The following EMCN variants were observed in gnomAD, a reference collection of about 807,000 sequenced individuals.
EMCN encodes the protein endomucin.
EMCN carries 37 observed loss-of-function variants against 38.4 expected under a neutral mutation model. The ratio of observed to expected loss-of-function variants is 0.96; its 90% CI spans 0.74 to 1.27. The LOEUF is 1.27. EMCN is among the 50% of genes most tolerant of loss of function. EMCN has a pLI of 0.00. For synonymous variants in EMCN, 95 were observed against 100.8 expected (o/e 0.94, Z 0.35); for missense variants, 318 against 302.8 (o/e 1.05, Z -0.37).
intron 11 of EMCN, among the ~76,000 whole-genome samples, chr4:100,409,834 G>A (rs1052241072): frequency 6.6e-6 from 1 of 152,146 alleles, no homozygotes; most frequent in African/African-American, 2.4e-5. Context: ...CCAGCCTACG[G>A]CTGTGATACA....
rs2110263585 is a variant in EMCN, at chr4:100,465,502, G to C, written c.297C>G (p.Asp99Glu). The C allele has an allele frequency of 6.2e-7, 1 of 1,607,884 alleles. No individual in the cohort carries two copies. The highest frequency in any genetic ancestry group is 2.2e-5 in the East Asian group (1 of 44,700). ...TTACTGTTACGTTTGAAATGATGGA[G>C]TCATTCTTCCTGACATCAGTGGTTG... is the stretch of plus-strand genomic sequence containing the variant. ...KATTTDVRKN[D>E]SIISNVTVTS... Residue 99 changes from aspartate to glutamate, a missense_variant, in exon 4 of 12, where the codon GAC becomes GAG. Physicochemically the swap from Asp to Glu is conservative, Grantham distance 45 (BLOSUM62 2). Transcript: ENST00000296420.
intron 4 of EMCN, among the ~76,000 whole-genome samples, chr4:100,465,023 T>C (rs556269202): frequency 2.6e-5 from 4 of 152,264 alleles, no homozygotes; most frequent in African/African-American, 9.6e-5. Flanking sequence ...CATAGGAATA[T>C]TTTTAGTTCC....
chr4:100,452,252 T>C (rs1019511532), intron 4 of EMCN, among the ~76,000 whole-genome samples: 1 of 152,042 alleles, frequency 6.6e-6, no homozygotes, highest in African/African-American at 2.4e-5. Context: ...CTAAGATAAA[T>C]TATGCAAAAG....
Position 100,449,042 on chromosome 4 carries a change from G to T in EMCN, c.377-1471C>A, listed in dbSNP as rs1727765652. On this transcript the variant is annotated intron_variant, in intron 4 of 11. Coordinates refer to ENST00000296420, the MANE Select transcript of EMCN (RefSeq NM_016242.4). ...TGTCTTTAAAAAATTATTATTTTCT[G>T]TCAGAACATAACTCCATGGGGGCAG... Among the ~76,000 whole-genome samples, 2 of 151,666 alleles carry T rather than the reference G, an allele frequency of 1.3e-5. 1 individual carries two copies. Among genetic ancestry groups the T allele is most frequent in the South Asian group, 4.2e-4 (2 of 4,810 alleles).
At chr4:100,450,769 A>G (rs996588937) in intron 4 of EMCN, among the ~76,000 whole-genome samples, 3 of 151,964 alleles carry the variant, frequency 2.0e-5, no homozygotes, top group Non-Finnish European at 4.4e-5. Flanking sequence ...CTAAGTCTCA[A>G]AATAAGTTTC....
chr4:100,427,307 T>C (rs1055537447), intron 5 of EMCN, among the ~76,000 whole-genome samples: 2 of 152,140 alleles, frequency 1.3e-5, no homozygotes, highest in Admixed American at 6.5e-5. Context: ...GATCTTGCTC[T>C]GTCTTCCAGG....
chr4:100,410,181 G>A (rs2110209325), intron 11 of EMCN, 101 bp downstream of exon 11: 1 of 854,092 alleles, frequency 1.2e-6, no homozygotes, highest in East Asian at 2.5e-5. Flanking sequence ...CAAACCATTA[G>A]CTTTCCAGCT....
chr4:100,441,573 G>A (rs1233855958), intron 5 of EMCN, among the ~76,000 whole-genome samples: 1 of 152,086 alleles, frequency 6.6e-6, no homozygotes, highest in Non-Finnish European at 1.5e-5. Context: ...TGGTAGCTTC[G>A]TTTCTTTCTC....
intron 10 of EMCN, among the ~76,000 whole-genome samples, chr4:100,412,496 G>A (rs1424065359): frequency 6.6e-6 from 1 of 152,012 alleles, no homozygotes; most frequent in Non-Finnish European, 1.5e-5. Flanking sequence ...TAATTTATAT[G>A]ACTTGACATA....
In EMCN at chr4:100,395,530, T is replaced by C. The variant is rs935124303; in HGVS notation, c.*2883A>G. 15 of 152,164 alleles carry C rather than the reference T, an allele frequency of 9.9e-5. No individual in the cohort carries two copies. Among genetic ancestry groups the C allele is most frequent in the African/African-American group, 3.4e-4 (14 of 41,438 alleles). The allele number at this position is 152,164 out of a possible 1,614,324, so 9.4% of individuals were successfully genotyped here. On this transcript the variant is annotated 3_prime_UTR_variant, in exon 12 of 12. Coordinates refer to ENST00000296420, the MANE Select transcript of EMCN (RefSeq NM_016242.4). ...AACATTAGGCAATAATTGACAGTTT[T>C]ATAGTGGTGAGACTATCATCACCCA...
At chr4:100,424,843 G>A (rs1008208958) in intron 5 of EMCN, among the ~76,000 whole-genome samples, 1 of 151,984 alleles carries the variant, frequency 6.6e-6, no homozygotes, top group African/African-American at 2.4e-5. Context: ...AATAACCAAT[G>A]ATGTTAATCC....
At chr4:100,507,571 G>A (rs1729516638) in intron 1 of EMCN, among the ~76,000 whole-genome samples, 1 of 152,018 alleles carries the variant, frequency 6.6e-6, no homozygotes, top group South Asian at 2.1e-4. Flanking sequence ...AACTCCACTG[G>A]GTACTGGCCT....
chr4:100,462,427 C>T (rs1328232638), intron 4 of EMCN, among the ~76,000 whole-genome samples: 5 of 152,194 alleles, frequency 3.3e-5, no homozygotes, highest in South Asian at 4.1e-4. Flanking sequence ...CCACATACTT[C>T]TGAAATGTAT....
intron 9 of EMCN, among the ~76,000 whole-genome samples, 165 bp from the exon 10 acceptor site, chr4:100,416,124 A>G (rs182799182): frequency 6.6e-6 from 1 of 152,132 alleles, no homozygotes; most frequent in East Asian, 1.9e-4. Context: ...ATATATATAT[A>G]TATATATCTC....
At chr4:100,403,543 C>T (rs7689825) in intron 11 of EMCN, among the ~76,000 whole-genome samples, 71,463 of 151,476 alleles carry the variant, frequency 0.47, 19,899 homozygotes, top group Non-Finnish European at 0.63. Context: ...ACATACATGT[C>T]ATGTGATTTG....
intron 5 of EMCN, among the ~76,000 whole-genome samples, chr4:100,447,321 C>T (rs1214988066): frequency 6.6e-6 from 1 of 152,164 alleles, no homozygotes; most frequent in Non-Finnish European, 1.5e-5. Context: ...TGGCTCCACT[C>T]ACCTTAGTCA....
intron 11 of EMCN, among the ~76,000 whole-genome samples, chr4:100,405,168 C>T (rs901575665): frequency 6.6e-6 from 1 of 151,752 alleles, no homozygotes; most frequent in Non-Finnish European, 1.5e-5. Flanking sequence ...GAAGACAGAT[C>T]GTTTAACTTC....
intron 3 of EMCN, among the ~76,000 whole-genome samples, chr4:100,466,968 A>G (rs762105886): frequency 2.8e-4 from 42 of 152,224 alleles, no homozygotes; most frequent in Non-Finnish European, 4.9e-4. Context: ...AAGCAGACTC[A>G]ACAGTCTTGG....
At chr4:100,398,943 T>A (rs1386451255) in intron 11 of EMCN, among the ~76,000 whole-genome samples, 1 of 152,172 alleles carries the variant, frequency 6.6e-6, no homozygotes, top group Admixed American at 6.5e-5. Context: ...CCTTTTCTGA[T>A]TAAAGTCCTT....
Sources: allele counts gnomAD v4.1 joint callset (sites outside exome capture counted in the v4.1 genomes callset), GRCh38; gene constraint gnomAD v4.1.1; transcripts MANE v1.5; gene names NCBI Gene and HGNC (gene_info 2026-07-23, HGNC 2026-07-21).